The following DNAH11 variants were observed in gnomAD, a reference collection of about 807,000 sequenced individuals.
The protein encoded by DNAH11 is axonemal beta dynein heavy chain 11.
DNAH11 carries 442 observed loss-of-function variants against 526.0 expected under a neutral mutation model. That is an observed-to-expected ratio of 0.84 (90% CI 0.78 to 0.91). The LOEUF is 0.91. Among genes scored for constraint, DNAH11 ranks in the 40% least tolerant of loss-of-function variants. The probability of loss-of-function intolerance (pLI) is 0.00; values close to 1 mark genes in which losing one functional copy is unlikely to be tolerated. For missense variants in DNAH11, 6,989 were observed against 5,448.7 expected (o/e 1.28, Z -8.90); for synonymous variants, 2,461 against 1,935.9 (o/e 1.27, Z -7.12).
chr7:21,827,469 T>G (rs1222175353), intron 65 of DNAH11, among the ~76,000 whole-genome samples: 2 of 151,584 alleles, frequency 1.3e-5, no homozygotes, highest in Admixed American at 1.3e-4. Flanking sequence ...AAGACTGGAG[T>G]AACTTTACTG....
intron 40 of DNAH11, 114 bp from the exon 41 acceptor site, chr7:21,710,439 C>A: frequency 2.4e-6 from 2 of 843,024 alleles, no homozygotes; most frequent in Non-Finnish European, 3.6e-6. Context: ...TTACACACTG[C>A]CCGCAAGAAA....
chr7:21,647,433 T>TC (rs1787406756), intron 28 of DNAH11, among the ~76,000 whole-genome samples: 1 of 147,156 alleles, frequency 6.8e-6, no homozygotes, highest in Admixed American at 6.7e-5. Context: ...CTTTCTTTTT[T>TC]TTTTTTTTTT....
intron 8 of DNAH11, among the ~76,000 whole-genome samples, chr7:21,573,401 C>T (rs953065767): frequency 6.6e-6 from 1 of 152,096 alleles, no homozygotes; most frequent in African/African-American, 2.4e-5. Context: ...TGATTCTTGC[C>T]TTAGAATCTA....
At chr7:21,551,103 T>C (rs900945037) in intron 2 of DNAH11, among the ~76,000 whole-genome samples, 1 of 152,162 alleles carries the variant, frequency 6.6e-6, no homozygotes, top group Non-Finnish European at 1.5e-5. Context: ...ATAATATAGA[T>C]ATTAGTTTTC....
chr7:21,890,806 T>A (rs576165320), intron 76 of DNAH11, among the ~76,000 whole-genome samples: 3 of 152,316 alleles, frequency 2.0e-5, no homozygotes, highest in African/African-American at 7.2e-5. Context: ...GCCAAGCCAA[T>A]GGATACTGGT....
At chr7:21,652,256 AAAAACAAACATATT>A (rs1781809384) in intron 28 of DNAH11, among the ~76,000 whole-genome samples, 1 of 152,222 alleles carries the variant, frequency 6.6e-6, no homozygotes, top group African/African-American at 2.4e-5. Context: ...TGATGCCAGG[AAAAACAAACATATT>A]AAATAAAACA....
intron 55 of DNAH11, among the ~76,000 whole-genome samples, chr7:21,770,979 TTAATATATTCTTCTACCAGC>T (rs1001225546): frequency 6.6e-6 from 1 of 152,214 alleles, no homozygotes; most frequent in Non-Finnish European, 1.5e-5. Flanking sequence ...AAATATCTTA[TTAATATATTCTTCTACCAGC>T]CCTAAAAGGA....
At chr7:21,795,239 G>A (rs1369479980) in intron 61 of DNAH11, among the ~76,000 whole-genome samples, 2 of 152,134 alleles carry the variant, frequency 1.3e-5, no homozygotes, top group Non-Finnish European at 2.9e-5. Flanking sequence ...AAACCAGTTG[G>A]CTGCTAGGTT....
At chr7:21,838,326 A>C (rs532028199) in intron 65 of DNAH11, among the ~76,000 whole-genome samples, 7 of 152,206 alleles carry the variant, frequency 4.6e-5, no homozygotes, top group African/African-American at 1.7e-4. Flanking sequence ...TAAAAGCCCA[A>C]ATGTTAATGA....
chr7:21,566,726 A>G (rs549430527), intron 6 of DNAH11, among the ~76,000 whole-genome samples: 3 of 152,292 alleles, frequency 2.0e-5, no homozygotes, highest in African/African-American at 7.2e-5. Context: ...TTAATGTCTG[A>G]ATGTGACCTA....
At chr7:21,795,303 A>G (rs1788661562) in intron 61 of DNAH11, among the ~76,000 whole-genome samples, 1 of 152,204 alleles carries the variant, frequency 6.6e-6, no homozygotes, top group African/African-American at 2.4e-5. Flanking sequence ...TTTGCTGTGT[A>G]CTAATACTGA....
intron 61 of DNAH11, among the ~76,000 whole-genome samples, chr7:21,795,628 C>G (rs1562550969): frequency 2.0e-5 from 3 of 152,318 alleles, no homozygotes; most frequent in South Asian, 2.1e-4. Context: ...TTTATTTGTT[C>G]TAGTTGAAGG....
At chr7:21,796,366 G>A (rs145706103) in intron 61 of DNAH11, among the ~76,000 whole-genome samples, 13 of 152,230 alleles carry the variant, frequency 8.5e-5, no homozygotes, top group East Asian at 5.8e-4. Context: ...GGGATAAATC[G>A]ATCACATTTG....
chr7:21,577,772 T>A (rs1472257560), intron 8 of DNAH11, among the ~76,000 whole-genome samples: 3 of 152,058 alleles, frequency 2.0e-5, no homozygotes, highest in African/African-American at 4.8e-5. Context: ...CTTATAACAA[T>A]ATGAAATTTC....
At position 21,672,027 on chromosome 7, in the gene DNAH11, T is replaced by C. The variant is rs537929054; in HGVS notation, c.5329-9519T>C. ...TCAACAACCCATGTTCTGATAGTTTTAAGAGCATGGGACTTGGTCTCTTTG... is the reference window on the plus strand; with the variant it reads ...TCAACAACCCATGTTCTGATAGTTTCAAGAGCATGGGACTTGGTCTCTTTG... On this transcript the variant is annotated intron_variant, in intron 30 of 81. Transcript: ENST00000409508. Among the ~76,000 whole-genome samples, 13 of 152,326 alleles carry C rather than the reference T, an allele frequency of 8.5e-5. No homozygotes were observed. The East Asian group carries it at 2.1e-3, about 25-fold the overall frequency.
In DNAH11 at chr7:21,707,702, T is replaced by C; in HGVS notation, c.6550T>C (p.Leu2184=). The C allele has an allele frequency of 6.2e-7, 1 of 1,610,126 alleles. No individual in the cohort carries two copies. Among genetic ancestry groups the C allele is most frequent in the African/African-American group, 1.3e-5 (1 of 74,916 alleles). The change falls in exon 40 of 82, where the codon TTG becomes CTG. Residue 2184 remains leucine (L), a synonymous_variant. Coordinates refer to ENST00000409508, the MANE Select transcript of DNAH11 (RefSeq NM_001277115.2). ...GCTCTTTCCTCCTTCCCCTCAGATT[T>C]TGAGAACACTGAACCGAACATATGT... is the stretch of plus-strand genomic sequence containing the variant. ...GNAGTGKSKI[L]RTLNRTYVNM...
chr7:21,594,377 A>G (rs1030076158), intron 14 of DNAH11, among the ~76,000 whole-genome samples: 1 of 152,090 alleles, frequency 6.6e-6, no homozygotes, highest in Non-Finnish European at 1.5e-5. Flanking sequence ...GCACCTTTCT[A>G]GGTTTTTGAA....
At chr7:21,744,280 G>A (rs796598778) in intron 49 of DNAH11, among the ~76,000 whole-genome samples, 158 bp from the exon 50 acceptor site, 5 of 152,290 alleles carry the variant, frequency 3.3e-5, no homozygotes, top group African/African-American at 1.2e-4. Flanking sequence ...ACTTATCAAA[G>A]AGTAAACCTA....
intron 57 of DNAH11, among the ~76,000 whole-genome samples, chr7:21,781,034 A>G (rs144874407): frequency 1.3e-5 from 2 of 152,320 alleles, no homozygotes; most frequent in East Asian, 3.9e-4. Flanking sequence ...TTCTTTTGTA[A>G]TTAAACTAGA....
Sources: allele counts gnomAD v4.1 joint callset (sites outside exome capture counted in the v4.1 genomes callset), GRCh38; gene constraint gnomAD v4.1.1; transcripts MANE v1.5; gene names NCBI Gene and HGNC (gene_info 2026-07-23, HGNC 2026-07-21).